Variants in GRK4 observed in about 807,000 individuals in gnomAD.
GRK4 encodes G protein-coupled receptor kinase 2-like.
GRK4 carries 73 observed loss-of-function variants against 77.9 expected under a neutral mutation model. That is an observed-to-expected ratio of 0.94 (90% CI 0.78 to 1.14). The LOEUF (loss-of-function observed/expected upper bound fraction) is 1.14, where lower values mean the gene tolerates loss of function less well. Ranked by LOEUF, GRK4 falls within the 50% of genes most tolerant of loss-of-function variation. The pLI, the probability that GRK4 is intolerant of heterozygous loss-of-function variation, is 0.00. For missense variants in GRK4, 729 were observed against 700.2 expected, an observed-to-expected ratio of 1.04 and a Z score of -0.46; for synonymous variants, 257 against 254.4, an observed-to-expected ratio of 1.01 and a Z score of -0.10.
intron 2 of GRK4, among the ~76,000 whole-genome samples, chr4:2,986,559 T>G (rs1243984142): frequency 5.9e-5 from 9 of 151,998 alleles, no homozygotes; most frequent in Admixed American, 5.9e-4. Flanking sequence ...TTTCACCAGG[T>G]TGGCCAGGAT....
intron 12 of GRK4, among the ~76,000 whole-genome samples, chr4:3,031,982 A>G (rs1739304803): frequency 6.6e-6 from 1 of 152,126 alleles, no homozygotes; most frequent in South Asian, 2.1e-4. Flanking sequence ...CATGGGTGCT[A>G]CAGGCTCGTC....
intron 1 of GRK4, among the ~76,000 whole-genome samples, chr4:2,970,463 T>G (rs1434151673): frequency 6.6e-6 from 1 of 151,800 alleles, no homozygotes; most frequent in East Asian, 2.0e-4. Flanking sequence ...ATCGAGACAA[T>G]CCTGGCCAAC....
At chr4:3,015,032 C>T (rs1297539765) in intron 8 of GRK4, among the ~76,000 whole-genome samples, 1 of 152,196 alleles carries the variant, frequency 6.6e-6, no homozygotes, top group East Asian at 1.9e-4. Context: ...AGGCCCTCAA[C>T]TAGCATATCC....
At chr4:3,027,835 T>C in intron 10 of GRK4, 77 bp from the exon 11 acceptor site, 7 of 1,202,900 alleles carry the variant, frequency 5.8e-6, no homozygotes, top group South Asian at 1.3e-5. Flanking sequence ...TTGAGGGGCC[T>C]TTTTTCCCAT....
intron 1 of GRK4, among the ~76,000 whole-genome samples, chr4:2,976,789 G>A (rs1273017661): frequency 1.3e-5 from 2 of 152,056 alleles, no homozygotes; most frequent in Admixed American, 1.3e-4. Context: ...GCAGGCACAT[G>A]CCACCACGTC....
intron 1 of GRK4, chr4:2,965,619 G>A (rs1357083475): frequency 3.2e-6 from 2 of 619,256 alleles, no homozygotes; most frequent in East Asian, 5.5e-5. Context: ...TGAGGTGGAA[G>A]GCTCACTTGG....
intron 10 of GRK4, among the ~76,000 whole-genome samples, chr4:3,024,627 A>G (rs1736941979): frequency 6.6e-6 from 1 of 152,168 alleles, no homozygotes; most frequent in Admixed American, 6.5e-5. Context: ...TGGGAGGCTG[A>G]GGCAGGTGGA....
intron 10 of GRK4, among the ~76,000 whole-genome samples, chr4:3,025,051 A>G (rs996138807): frequency 1.3e-5 from 2 of 151,872 alleles, no homozygotes; most frequent in Non-Finnish European, 2.9e-5. Context: ...CAGGTGGATC[A>G]CCTGAAGTCA....
chr4:2,967,050 C>G (rs1187118947), intron 1 of GRK4, among the ~76,000 whole-genome samples: 1 of 152,100 alleles, frequency 6.6e-6, no homozygotes, highest in African/African-American at 2.4e-5. Context: ...GTATTAGTGC[C>G]TTTATAAAAG....
chr4:3,025,325 C>T (rs1258290780), intron 10 of GRK4, among the ~76,000 whole-genome samples: 1 of 150,896 alleles, frequency 6.6e-6, no homozygotes, highest in African/African-American at 2.4e-5. Context: ...GCGGTTAAAC[C>T]ACCAGCTGGA....
chr4:2,991,904 T>C (rs1726296995), intron 3 of GRK4, among the ~76,000 whole-genome samples: 1 of 152,174 alleles, frequency 6.6e-6, no homozygotes, highest in African/African-American at 2.4e-5. Flanking sequence ...TTTAAAAAAC[T>C]GACTTCTTCC....
At chr4:2,983,082 A>T (rs1421241579) in intron 1 of GRK4, among the ~76,000 whole-genome samples, 1 of 152,238 alleles carries the variant, frequency 6.6e-6, no homozygotes, top group Non-Finnish European at 1.5e-5. Flanking sequence ...TAGGGGGAGT[A>T]GAAGAGCAAA....
intron 10 of GRK4, among the ~76,000 whole-genome samples, chr4:3,025,595 T>C (rs1438368749): frequency 2.0e-5 from 3 of 151,712 alleles, no homozygotes; most frequent in Non-Finnish European, 4.4e-5. Context: ...GGTTTCACCG[T>C]GTTAGCCAGG....
At position 2,975,400 on chromosome 4, in the gene GRK4, C is replaced by T. The variant is rs78012229; in HGVS notation, c.53-9113C>T. Among the ~76,000 whole-genome samples, 1,374 of 152,266 alleles carry T rather than the reference C, an allele frequency of 9.0e-3. 24 individuals are homozygous for T. The highest frequency in any genetic ancestry group is 0.031 in the African/African-American group (1,277 of 41,548). ...CTACATAAAGAACCAAATGATCTTCCCTCCTCATACCTAATATACCGTGGG... is the reference window on the plus strand; with the variant it reads ...CTACATAAAGAACCAAATGATCTTCTCTCCTCATACCTAATATACCGTGGG... On this transcript the variant is annotated intron_variant, in intron 1 of 15. Transcript: ENST00000398052.
intron 8 of GRK4, among the ~76,000 whole-genome samples, chr4:3,014,688 T>C (rs1399195038): frequency 6.6e-6 from 1 of 152,062 alleles, no homozygotes; most frequent in East Asian, 1.9e-4. Context: ...TCCCAGCTAC[T>C]TGGGATGCTG....
intron 1 of GRK4, among the ~76,000 whole-genome samples, chr4:2,981,725 G>C (rs569246374): frequency 8.5e-5 from 13 of 152,234 alleles, no homozygotes; most frequent in Non-Finnish European, 1.9e-4. Flanking sequence ...CTGGCAGCCC[G>C]GCTGTCAGGC....
At chr4:3,021,907 C>T (rs987684955) in intron 9 of GRK4, among the ~76,000 whole-genome samples, 1 of 152,152 alleles carries the variant, frequency 6.6e-6, no homozygotes, top group Non-Finnish European at 1.5e-5. Flanking sequence ...CCCCATCCAC[C>T]GCTGTGTCCA....
At chr4:3,027,668 T>C (rs1737944427) in intron 10 of GRK4, among the ~76,000 whole-genome samples, 1 of 152,236 alleles carries the variant, frequency 6.6e-6, no homozygotes, top group Non-Finnish European at 1.5e-5. Context: ...TGGCCTATGA[T>C]TAAAGGGCTT....
At chr4:2,988,102 A>AGTAGAATCAT (rs1431811810) in intron 2 of GRK4, among the ~76,000 whole-genome samples, 3 of 148,672 alleles carry the variant, frequency 2.0e-5, no homozygotes, top group African/African-American at 7.5e-5. Flanking sequence ...AAAAAAAAGA[A>AGTAGAATCAT]GTAGAATCAT....
Sources: allele counts gnomAD v4.1 joint callset (sites outside exome capture counted in the v4.1 genomes callset), GRCh38; gene constraint gnomAD v4.1.1; transcripts MANE v1.5; gene names NCBI Gene and HGNC (gene_info 2026-07-23, HGNC 2026-07-21).